FBH1: variants seen among roughly 807,000 people sequenced by gnomAD.
FBH1 encodes DNA 3'-5' helicase 1.
A neutral mutation model predicts 115.5 loss-of-function variants in FBH1; 43 were observed. The ratio of observed to expected loss-of-function variants is 0.37; its 90% CI spans 0.29 to 0.48. The LOEUF (loss-of-function observed/expected upper bound fraction) is 0.48, where lower values mean the gene tolerates loss of function less well. Among genes scored for constraint, FBH1 ranks in the 20% least tolerant of loss-of-function variants. FBH1 has a pLI of 0.99. For missense variants in FBH1, 1,001 were observed against 1,337.3 expected (o/e 0.75, Z 3.92); for synonymous variants, 524 against 507.8 (o/e 1.03, Z -0.43).
rs1025000798 is a variant in FBH1, at chr10:5,897,796, G to C, written c.2-5224G>C. Among the ~76,000 whole-genome samples the C allele has an allele frequency of 6.6e-6, 1 of 152,168 alleles. No individual in the cohort carries two copies. Among genetic ancestry groups the C allele is most frequent in the East Asian group, 1.9e-4 (1 of 5,194 alleles). On this transcript the variant is annotated intron_variant, in intron 1 of 20. Transcript: ENST00000362091. The surrounding 1 kb of genome is among the most constrained non-coding windows in gnomAD (Gnocchi z 4.7). Reference sequence around the variant, plus strand: ...ACACAGTGTTCCAACACTCCCATTAGCACTTTCTGTTACTCCTGTGTCTTT... The same window carrying C: ...ACACAGTGTTCCAACACTCCCATTACCACTTTCTGTTACTCCTGTGTCTTT...
chr10:5,903,102 C>T lies in FBH1; in HGVS notation c.84C>T (p.Phe28=), dbSNP rs752628405. ...GTCACTTGGCTGTGACCCAGCCCTTCGGTCAAAGATGGACAAACAGAGATC... is the reference window on the plus strand; with the variant it reads ...GTCACTTGGCTGTGACCCAGCCCTTTGGTCAAAGATGGACAAACAGAGATC... ...ARSHLAVTQP[F]GQRWTNRDPN... The change falls in exon 2 of 21, where the codon TTC becomes TTT. Residue 28 remains phenylalanine (F), a synonymous_variant. Transcript: ENST00000362091. 77 of 1,613,594 alleles carry T rather than the reference C, an allele frequency of 4.8e-5. No individual in the cohort carries two copies. Among genetic ancestry groups the T allele is most frequent in the South Asian group, 9.9e-5 (9 of 90,990 alleles).
intron 3 of FBH1, among the ~76,000 whole-genome samples, chr10:5,907,617 ACATGTGCCAC>A (rs147583784): frequency 0.036 from 5,389 of 151,352 alleles, 186 homozygotes; most frequent in East Asian, 0.15. Context: ...GGGATTACAG[ACATGTGCCAC>A]CATGCCTGGC....
intron 13 of FBH1, among the ~76,000 whole-genome samples, chr10:5,919,483 C>G (rs1449571370): frequency 1.3e-5 from 2 of 151,108 alleles, no homozygotes; most frequent in Non-Finnish European, 2.9e-5. Flanking sequence ...GAGACTCTGT[C>G]TTAAAAAAAA....
In FBH1 at chr10:5,910,632, G is replaced by C. The variant is rs1196079604; in HGVS notation, c.1021-306G>C. ...CCCATGGCCTGGAGAGTAGGGTGGGGAGATGACAGGGAGCTCATATTTTTA... is the reference window on the plus strand; with the variant it reads ...CCCATGGCCTGGAGAGTAGGGTGGGCAGATGACAGGGAGCTCATATTTTTA... On this transcript the variant is annotated intron_variant, in intron 5 of 20. Coordinates refer to ENST00000362091, the MANE Select transcript of FBH1 (RefSeq NM_178150.3). The surrounding 1 kb of genome is among the most constrained non-coding windows in gnomAD (Gnocchi z 4.8). Among the ~76,000 whole-genome samples, 1 of 152,152 alleles carries C rather than the reference G, an allele frequency of 6.6e-6. No homozygotes were observed.
chr10:5,918,009 G>A lies in FBH1; in HGVS notation c.1963+333G>A, dbSNP rs531814854. ...CTTCTCAAGTGGCTAGGAGAGAACA[G>A]ACAGTGTTATCCGTCTGACTTTGTA... is the stretch of plus-strand genomic sequence containing the variant. On this transcript the variant is annotated intron_variant, in intron 12 of 20. Coordinates refer to ENST00000362091, the MANE Select transcript of FBH1 (RefSeq NM_178150.3). The surrounding 1 kb of genome is among the most constrained non-coding windows in gnomAD (Gnocchi z 4.0). 2.0e-5 allele frequency among the ~76,000 whole-genome samples: 3 copies of A among 152,338 alleles called. No homozygotes were observed. Among genetic ancestry groups the A allele is most frequent in the Admixed American group, 1.3e-4 (2 of 15,306 alleles).
chr10:5,936,362 T>G lies in FBH1; in HGVS notation c.2830-94T>G. The G allele has an allele frequency of 2.1e-6, 3 of 1,456,172 alleles. No homozygotes were observed. Among genetic ancestry groups the G allele is most frequent in the Non-Finnish European group, 2.8e-6 (3 of 1,063,698 alleles). The allele number at this position is 1,456,172 out of a possible 1,614,324, so 90.2% of individuals were successfully genotyped here. ...TTCTCTCTGGGACTTACAGTGCATC[T>G]AAAGGGTTCTCACAGAGCCGCCGCT... On this transcript the variant is annotated intron_variant, in intron 19 of 20. Transcript: ENST00000362091. The surrounding 1 kb of genome is among the most constrained non-coding windows in gnomAD (Gnocchi z 5.6).
chr10:5,909,535 T>G lies in FBH1; in HGVS notation c.1020+241T>G, dbSNP rs1831427671. ...TCATTTAGTCTGATTTCCCATTTGG[T>G]TGAGGAATCTTCTCTGAAATATTTC... On this transcript the variant is annotated intron_variant, in intron 5 of 20. Coordinates refer to ENST00000362091, the MANE Select transcript of FBH1 (RefSeq NM_178150.3). This position sits in a 1 kb window ranked among gnomAD's most constrained non-coding sequence, Gnocchi z 4.4. 1 of 458,902 alleles carries G rather than the reference T, an allele frequency of 2.2e-6. No homozygotes were observed. The highest frequency in any genetic ancestry group is 3.8e-6 in the Non-Finnish European group (1 of 264,348). The allele number at this position is 458,902 out of a possible 1,614,324, so 28.4% of individuals were successfully genotyped here. A position where few individuals can be genotyped will look rare whatever the true frequency, so the allele number is the denominator to read the frequency against.
chr10:5,901,994 C>A (rs1843375329), intron 1 of FBH1, among the ~76,000 whole-genome samples: 1 of 152,128 alleles, frequency 6.6e-6, no homozygotes, highest in African/African-American at 2.4e-5. Flanking sequence ...TAAGAATTAC[C>A]TGAAAGAAGA....
chr10:5,893,305 G>A (rs1842840622), intron 1 of FBH1, among the ~76,000 whole-genome samples: 2 of 152,132 alleles, frequency 1.3e-5, no homozygotes, highest in Non-Finnish European at 2.9e-5. Context: ...GTGAGACTCT[G>A]TCTGAAAACA....
At chr10:5,930,760 G>A (rs554701434) in intron 19 of FBH1, among the ~76,000 whole-genome samples, 140 of 152,276 alleles carry the variant, frequency 9.2e-4, no homozygotes, top group African/African-American at 3.2e-3. Context: ...AACTTTATTT[G>A]TTTCAAAGAG....
rs532934012 is a variant in FBH1 at position 5,917,931 on chromosome 10, C to T, written c.1963+255C>T. On this transcript the variant is annotated intron_variant, in intron 12 of 20. Transcript: ENST00000362091. This position sits in a 1 kb window ranked among gnomAD's most constrained non-coding sequence, Gnocchi z 5.6. ...CCAGCAGACGACAGGGACCTAGACTCATGCTCTGTGGGAAGAGATCGTCCA... is the reference window on the plus strand; with the variant it reads ...CCAGCAGACGACAGGGACCTAGACTTATGCTCTGTGGGAAGAGATCGTCCA... Among the ~76,000 whole-genome samples the T allele has an allele frequency of 1.3e-5, 2 of 152,326 alleles. No homozygotes were observed. The highest frequency in any genetic ancestry group is 4.1e-4 in the South Asian group (2 of 4,828).
chr10:5,914,281 C>T lies in FBH1; in HGVS notation c.1396+12C>T. On this transcript the variant is annotated intron_variant, in intron 8 of 20. Coordinates refer to ENST00000362091, the MANE Select transcript of FBH1 (RefSeq NM_178150.3). This position sits in a 1 kb window ranked among gnomAD's most constrained non-coding sequence, Gnocchi z 5.2. ...TATGGCCTTTGCCGGTAAGGGAGCC[C>T]ACATCAGGTTCACGAGGTGGTGGTT... 1 of 1,612,786 alleles carries T rather than the reference C, an allele frequency of 6.2e-7. No homozygotes were observed. The highest frequency in any genetic ancestry group is 8.5e-7 in the Non-Finnish European group (1 of 1,178,704).
At chr10:5,901,287 C>T (rs190830764) in intron 1 of FBH1, among the ~76,000 whole-genome samples, 252 of 152,130 alleles carry the variant, frequency 1.7e-3, no homozygotes, top group African/African-American at 5.8e-3. Flanking sequence ...ATACTCCTGC[C>T]TCAGCCTCCG....
intron 19 of FBH1, chr10:5,934,220 T>G (rs1408620000): frequency 4.6e-5 from 7 of 152,230 alleles, no homozygotes; most frequent in African/African-American, 1.7e-4. Context: ...CTTCTTTTTC[T>G]TTGACCCCTC....
intron 1 of FBH1, among the ~76,000 whole-genome samples, chr10:5,901,111 GAAAA>G (rs201504125): frequency 6.6e-6 from 1 of 150,956 alleles, no homozygotes; most frequent in African/African-American, 2.4e-5. Flanking sequence ...AAAGAAAAAA[GAAAA>G]AAAAAGAAAT....
Position 5,924,360 on chromosome 10 carries a change from A to C in FBH1, c.2448A>C (p.Glu816Asp). Residue 816 changes from glutamate (E) to aspartate (D), a missense_variant, in exon 17 of 21, where the codon GAA (glutamate) becomes GAC (aspartate). This residue lies in a region of FBH1 where 521 missense variants were observed against 811.0 expected (regional missense o/e 0.64). Coordinates refer to ENST00000362091, the MANE Select transcript of FBH1 (RefSeq NM_178150.3). This position sits in a 1 kb window ranked among gnomAD's most constrained non-coding sequence, Gnocchi z 6.2. ...TTATCAGAAGATGGGTGCACAAAGA[A>C]GGCTTTAGTGGCTTCAAGAGGTATG... The part of the protein sequence containing the change: ...DKFIRRWVHK[E>D]GFSGFKRYVT... 1 of 1,614,244 alleles carries C rather than the reference A, an allele frequency of 6.2e-7. No homozygotes were observed. Among genetic ancestry groups the C allele is most frequent in the East Asian group, 2.2e-5 (1 of 44,890 alleles).
rs941501463 is a variant in FBH1, at chr10:5,897,383, A to G, written c.2-5637A>G. On this transcript the variant is annotated intron_variant, in intron 1 of 20. Transcript: ENST00000362091. This position sits in a 1 kb window ranked among gnomAD's most constrained non-coding sequence, Gnocchi z 4.7. ...GCGTGTAATTGCAGAGGAGGTGGAC[A>G]CAGGGCTCCTGCGGAGGAGGTGGAC... 2.7e-5 allele frequency among the ~76,000 whole-genome samples: 4 copies of G among 150,654 alleles called. No individual in the cohort carries two copies. The highest frequency in any genetic ancestry group is 1.9e-4 in the East Asian group (1 of 5,162).
In FBH1 at chr10:5,923,962, C is replaced by G. The variant is rs1249013679; in HGVS notation, c.2398+266C>G. On this transcript the variant is annotated intron_variant, in intron 16 of 20. Coordinates refer to ENST00000362091, the MANE Select transcript of FBH1 (RefSeq NM_178150.3). This position sits in a 1 kb window ranked among gnomAD's most constrained non-coding sequence, Gnocchi z 5.7. ...GTCTTCCCCTGCATCCTTCTGTCTG[C>G]CTGGGCCAATTTATACGTTGATACT... The G allele has an allele frequency of 1.8e-6, 1 of 561,280 alleles. No individual in the cohort carries two copies. Among genetic ancestry groups the G allele is most frequent in the East Asian group, 3.0e-5 (1 of 33,728 alleles). The allele number at this position is 561,280 out of a possible 1,614,324, so 34.8% of individuals were successfully genotyped here.
chr10:5,907,794 C>T (rs1272050161), intron 3 of FBH1, among the ~76,000 whole-genome samples: 2 of 152,106 alleles, frequency 1.3e-5, no homozygotes, highest in African/African-American at 4.8e-5. Context: ...TGTTTAATAT[C>T]CATATATTTG....
Sources: allele counts gnomAD v4.1 joint callset (sites outside exome capture counted in the v4.1 genomes callset), GRCh38; gene constraint gnomAD v4.1.1; regional missense constraint gnomAD v4.1.1; non-coding constraint Gnocchi (gnomAD v3.1); transcripts MANE v1.5; gene names NCBI Gene and HGNC (gene_info 2026-07-23, HGNC 2026-07-21).